TAFA1: variants seen among roughly 807,000 people sequenced by gnomAD.
TAFA1 encodes chemokine-like protein TAFA-1.
A neutral mutation model predicts 18.5 loss-of-function variants in TAFA1; 4 were observed. That is an observed-to-expected ratio of 0.22 (90% CI 0.11 to 0.49). TAFA1 has a LOEUF of 0.49. TAFA1 is among the 20% of genes least tolerant of loss of function. TAFA1 has a pLI of 0.98. For synonymous variants in TAFA1, 56 were observed against 55.2 expected (o/e 1.01, Z -0.06); for missense variants, 147 against 169.0 (o/e 0.87, Z 0.72).
intron 2 of TAFA1, among the ~76,000 whole-genome samples, chr3:68,090,569 G>T (rs893869552): frequency 1.3e-5 from 2 of 152,142 alleles, no homozygotes; most frequent in African/African-American, 2.4e-5. Flanking sequence ...TGCATGTCTG[G>T]TGGTGTTTTG....
chr3:68,491,707 A>T (rs1299628680), intron 3 of TAFA1, among the ~76,000 whole-genome samples: 1 of 152,162 alleles, frequency 6.6e-6, no homozygotes, highest in Non-Finnish European at 1.5e-5. Flanking sequence ...ATAAATTTTA[A>T]AAAAGAGTGG....
chr3:68,130,679 C>T (rs940413693), intron 2 of TAFA1, among the ~76,000 whole-genome samples: 6 of 152,182 alleles, frequency 3.9e-5, no homozygotes, highest in Non-Finnish European at 8.8e-5. Context: ...TCTTACGTTC[C>T]CCTCCTGCTA....
intron 2 of TAFA1, among the ~76,000 whole-genome samples, chr3:68,297,806 G>A (rs1321344673): frequency 6.7e-6 from 1 of 149,308 alleles, no homozygotes; most frequent in East Asian, 2.0e-4. Flanking sequence ...TCCTTCTTTT[G>A]CTTTCCTCCT....
At chr3:68,055,083 A>T (rs1346359033) in intron 2 of TAFA1, among the ~76,000 whole-genome samples, 2 of 152,116 alleles carry the variant, frequency 1.3e-5, no homozygotes, top group African/African-American at 2.4e-5. Flanking sequence ...AAACATGAAC[A>T]GGAGTGGGGA....
chr3:68,452,101 C>T (rs1438958178), intron 3 of TAFA1, among the ~76,000 whole-genome samples: 2 of 152,072 alleles, frequency 1.3e-5, no homozygotes, highest in African/African-American at 4.8e-5. Flanking sequence ...CTGAATGCTT[C>T]CATGATGGTG....
At chr3:68,538,310 A>G (rs1010345899) in intron 3 of TAFA1, among the ~76,000 whole-genome samples, 15 of 152,194 alleles carry the variant, frequency 9.9e-5, no homozygotes, top group African/African-American at 3.4e-4. Flanking sequence ...CCCCTCTCAT[A>G]GTCCTAACTT....
At chr3:68,000,052 G>T (rs1308334025), upstream of TAFA1, among the ~76,000 whole-genome samples, 1 of 152,160 alleles carries the variant, frequency 6.6e-6, no homozygotes, top group Non-Finnish European at 1.5e-5. Flanking sequence ...GCCTCCCAAA[G>T]TGCTGGGATT....
intron 2 of TAFA1, among the ~76,000 whole-genome samples, chr3:68,122,741 A>G (rs1361379712): frequency 2.0e-5 from 3 of 152,158 alleles, no homozygotes; most frequent in East Asian, 1.9e-4. Flanking sequence ...TTATTTTTAT[A>G]TGAAGATTTC....
intron 2 of TAFA1, among the ~76,000 whole-genome samples, chr3:68,220,053 C>G (rs2066710775): frequency 6.6e-6 from 1 of 152,172 alleles, no homozygotes; most frequent in South Asian, 2.1e-4. Flanking sequence ...GGTTTATAAG[C>G]TTCATAGGTC....
chr3:68,234,798 C>T (rs537474369), intron 2 of TAFA1, among the ~76,000 whole-genome samples: 1 of 152,186 alleles, frequency 6.6e-6, no homozygotes, highest in Non-Finnish European at 1.5e-5. Flanking sequence ...CATAGATTTC[C>T]TCTGATTACA....
chr3:68,193,589 A>C (rs933228218), intron 2 of TAFA1, among the ~76,000 whole-genome samples: 4 of 151,790 alleles, frequency 2.6e-5, no homozygotes, highest in African/African-American at 9.7e-5. Flanking sequence ...TGCATTTTTG[A>C]GTGTAGTTTC....
rs540239163 is a variant in TAFA1 at position 68,235,775 on chromosome 3, T to G, written c.119-181505T>G. ...AAAGAAACTGTCTTTTTGCTGGACTTAAAACTGGCCGAGTGCAAACCTGGT... is the reference window on the plus strand; with the variant it reads ...AAAGAAACTGTCTTTTTGCTGGACTGAAAACTGGCCGAGTGCAAACCTGGT... On this transcript the variant is annotated intron_variant, in intron 2 of 4. Transcript: ENST00000478136. 1.6e-4 allele frequency among the ~76,000 whole-genome samples: 24 copies of G among 152,296 alleles called. 1 individual carries two copies. Among genetic ancestry groups the G allele is most frequent in the African/African-American group, 4.8e-4 (20 of 41,556 alleles).
At chr3:68,030,983 A>G (rs1358116195) in intron 2 of TAFA1, among the ~76,000 whole-genome samples, 1 of 152,162 alleles carries the variant, frequency 6.6e-6, no homozygotes, top group Non-Finnish European at 1.5e-5. Flanking sequence ...TACCAGAAAG[A>G]ATTGTACCAA....
chr3:68,204,440 G>T (rs1305431513), intron 2 of TAFA1, among the ~76,000 whole-genome samples: 1 of 148,624 alleles, frequency 6.7e-6, no homozygotes, highest in Non-Finnish European at 1.5e-5. Context: ...TTTGTCCACA[G>T]AATTTCCAAA....
chr3:68,227,877 G>A (rs1373347731), intron 2 of TAFA1, among the ~76,000 whole-genome samples: 1 of 152,124 alleles, frequency 6.6e-6, no homozygotes, highest in Non-Finnish European at 1.5e-5. Flanking sequence ...AGGTCTGTAC[G>A]TTATAAGTTA....
At chr3:68,401,376 C>T (rs2070486530) in intron 2 of TAFA1, among the ~76,000 whole-genome samples, 1 of 152,150 alleles carries the variant, frequency 6.6e-6, no homozygotes, top group African/African-American at 2.4e-5. Context: ...TACCTCATGG[C>T]TCTTTGTATT....
chr3:68,539,665 CTG>C (rs1019011710), intron 4 of TAFA1, among the ~76,000 whole-genome samples: 1 of 26,116 alleles, frequency 3.8e-5, no homozygotes, highest in Non-Finnish European at 7.9e-5. Flanking sequence ...TTGTCTCTCT[CTG>C]TGTGTGTGTG....
chr3:68,123,530 A>G (rs186762745), intron 2 of TAFA1, among the ~76,000 whole-genome samples: 11 of 152,252 alleles, frequency 7.2e-5, no homozygotes, highest in Non-Finnish European at 1.5e-4. Flanking sequence ...GTTTGCAGTG[A>G]TCTCCAGTCT....
At chr3:68,425,751 CTGTTTGTT>C (rs1210627297) in intron 3 of TAFA1, among the ~76,000 whole-genome samples, 4 of 151,916 alleles carry the variant, frequency 2.6e-5, no homozygotes, top group African/African-American at 9.7e-5. Flanking sequence ...TGTCATCTTT[CTGTTTGTT>C]TGTTTGTTTT....
Sources: gnomAD v4.1 joint callset for allele counts (sites outside exome capture counted in the v4.1 genomes callset) on GRCh38, gnomAD v4.1.1 for gene constraint, MANE v1.5 for transcripts, NCBI Gene and HGNC (gene_info 2026-07-23, HGNC 2026-07-21) for gene names.